The following IPO11 variants were observed in gnomAD, a reference collection of about 807,000 sequenced individuals.
The protein encoded by IPO11 is importin 11.
A neutral mutation model predicts 143.2 loss-of-function variants in IPO11; 66 were observed. That is an observed-to-expected ratio of 0.46 (90% CI 0.38 to 0.57). IPO11 has a LOEUF of 0.57. IPO11 is among the 20% of genes least tolerant of loss of function. The pLI, the probability that IPO11 is intolerant of heterozygous loss-of-function variation, is 0.00. For synonymous variants in IPO11, 385 were observed against 377.8 expected, an observed-to-expected ratio of 1.02 and a Z score of -0.22; for missense variants, 1,026 against 1,141.0, an observed-to-expected ratio of 0.90 and a Z score of 1.45.
intron 27 of IPO11, among the ~76,000 whole-genome samples, chr5:62,569,794 CTT>C (rs931068825): frequency 2.0e-5 from 3 of 152,154 alleles, no homozygotes; most frequent in African/African-American, 7.2e-5. Flanking sequence ...CCTTACCACT[CTT>C]TGAATATATG....
At chr5:62,613,298 C>CT (rs372608086) in intron 29 of IPO11, among the ~76,000 whole-genome samples, 18,416 of 68,870 alleles carry the variant, frequency 0.27, 2,845 homozygotes, top group East Asian at 0.38. Context: ...ACATGCTCTT[C>CT]TTTTTTTTTT....
intron 29 of IPO11, among the ~76,000 whole-genome samples, chr5:62,619,315 T>C (rs1399399186): frequency 3.3e-5 from 5 of 152,180 alleles, no homozygotes; most frequent in South Asian, 4.1e-4. Flanking sequence ...ATCCCTCCCT[T>C]CCTTTCTTCC....
At chr5:62,489,260 T>G (rs1270719070) in intron 13 of IPO11, 42 bp from the exon 14 acceptor site, 2 of 1,193,944 alleles carry the variant, frequency 1.7e-6, no homozygotes, top group Non-Finnish European at 2.3e-6. Flanking sequence ...AAACTAGTTT[T>G]ATTTGCTTTT....
Position 62,506,246 on chromosome 5 carries a change from G to A in IPO11, c.1671G>A (p.Leu557=), listed in dbSNP as rs779766382. 1 of 1,588,936 alleles carries A rather than the reference G, an allele frequency of 6.3e-7. No individual in the cohort carries two copies. Among genetic ancestry groups the A allele is most frequent in the East Asian group, 2.2e-5 (1 of 44,654 alleles). The stretch of plus-strand genomic sequence containing the variant: ...TTCTTTCTTTTTACCTGCAGTATTT[G>A]GAAACCATGTTCACACTACTTTTTC... ...EFRTDQFLPY[L]ETMFTLLFQL... Residue 557 remains leucine (L), a synonymous_variant, in exon 19 of 30, where the codon TTG becomes TTA. Transcript: ENST00000325324.
At chr5:62,483,624 G>A (rs1746292449) in intron 10 of IPO11, among the ~76,000 whole-genome samples, 1 of 152,100 alleles carries the variant, frequency 6.6e-6, no homozygotes, top group Non-Finnish European at 1.5e-5. Context: ...TATAAAGTGT[G>A]ATTGTTTCTA....
chr5:62,459,548 T>C (rs1745283995), intron 5 of IPO11, among the ~76,000 whole-genome samples: 1 of 150,948 alleles, frequency 6.6e-6, no homozygotes, highest in African/African-American at 2.5e-5. Context: ...AGCGAATTTA[T>C]ACTTAAGCCT....
rs375270357 is a variant in IPO11, at chr5:62,515,480, A to G, written c.1875A>G (p.Thr625=). ...ATATGTTGAGATGTGCTATTTTGAC[A>G]ACACTTATTCATCTTGTTCAGGTAA... The part of the protein sequence containing the change: ...EHNMLRCAIL[T]TLIHLVQGLG... Residue 625 remains threonine (T), a synonymous_variant, in exon 20 of 30, where the codon ACA becomes ACG. Coordinates refer to ENST00000325324, the MANE Select transcript of IPO11 (RefSeq NM_016338.5). The G allele has an allele frequency of 7.9e-5, 127 of 1,605,746 alleles. 1 individual carries two copies. The highest frequency in any genetic ancestry group is 1.0e-4 in the Non-Finnish European group (123 of 1,176,756).
At chr5:62,422,342 G>A (rs1422841415) in intron 1 of IPO11, among the ~76,000 whole-genome samples, 3 of 152,118 alleles carry the variant, frequency 2.0e-5, no homozygotes, top group Admixed American at 2.0e-4. Context: ...GGCCAGGCTG[G>A]TCTCAAACTC....
intron 15 of IPO11, among the ~76,000 whole-genome samples, chr5:62,493,548 G>T (rs924074387): frequency 7.3e-5 from 11 of 151,690 alleles, no homozygotes; most frequent in African/African-American, 2.7e-4. Context: ...TTGTACTGTG[G>T]TACATTTAGA....
At chr5:62,477,229 T>G (rs1745992097) in intron 9 of IPO11, among the ~76,000 whole-genome samples, 1 of 152,160 alleles carries the variant, frequency 6.6e-6, no homozygotes, top group Non-Finnish European at 1.5e-5. Context: ...TATAAAACAT[T>G]AACTTTTAAT....
intron 2 of IPO11, among the ~76,000 whole-genome samples, chr5:62,438,726 T>A (rs796288754): frequency 8.8e-4 from 128 of 146,106 alleles, no homozygotes; most frequent in African/African-American, 3.1e-3. Context: ...TACTCCAGTC[T>A]GGGCAACAAG....
Position 62,591,602 on chromosome 5 carries a change from A to G in IPO11, c.2608A>G (p.Ile870Val). 1 of 1,604,588 alleles carries G rather than the reference A, an allele frequency of 6.2e-7. No individual in the cohort carries two copies. Among genetic ancestry groups the G allele is most frequent in the Non-Finnish European group, 8.5e-7 (1 of 1,176,300 alleles). The stretch of plus-strand genomic sequence containing the variant: ...TGTTATCCAAGATAAATTCTGTGGG[A>G]TTATAAACATTTCAGTAGAAGGCCT... ...NSVIQDKFCG[I>V]INISVEGLHD... Residue 870 changes from isoleucine (I) to valine (V), a missense_variant, in exon 28 of 30, where the codon ATT becomes GTT. Ile to Val is a conservative substitution (Grantham distance 29). Transcript: ENST00000325324.
chr5:62,481,900 C>T (rs1746226743), intron 9 of IPO11, among the ~76,000 whole-genome samples: 1 of 152,108 alleles, frequency 6.6e-6, no homozygotes, highest in African/African-American at 2.4e-5. Flanking sequence ...TAGAATTCGG[C>T]TGTGAATCTG....
intron 21 of IPO11, among the ~76,000 whole-genome samples, chr5:62,526,925 T>C (rs1190157670): frequency 6.6e-6 from 1 of 152,234 alleles, no homozygotes; most frequent in African/African-American, 2.4e-5. Context: ...AAGCAAATCA[T>C]AGAAATCAAC....
At chr5:62,506,540 A>ATCT (rs977097816) in intron 19 of IPO11, among the ~76,000 whole-genome samples, 183 bp downstream of exon 19, 5 of 152,148 alleles carry the variant, frequency 3.3e-5, no homozygotes, top group African/African-American at 1.2e-4. Context: ...AAAAATGAGA[A>ATCT]AATTAAAATA....
chr5:62,576,118 T>C (rs76202916), intron 27 of IPO11: 3,914 of 154,818 alleles, frequency 0.025, 80 homozygotes, highest in Non-Finnish European at 0.036. Flanking sequence ...TGTTCTTTGC[T>C]TTGTGTGCGT....
rs1220577007 is a variant in IPO11, at chr5:62,416,844, C to T, written c.-7+3915C>T. ...GGCTCAAGCGATCCCTCCACCTCAG[C>T]CTCTCTGGTGGCTGGGACCACAGGT... On this transcript the variant is annotated intron_variant, in intron 1 of 29. Transcript: ENST00000325324. 2.0e-5 allele frequency among the ~76,000 whole-genome samples: 3 copies of T among 152,066 alleles called. No individual in the cohort carries two copies. The East Asian group carries it at 5.8e-4, about 30-fold the overall frequency.
At chr5:62,445,282 C>T (rs532688357) in intron 3 of IPO11, among the ~76,000 whole-genome samples, 20 of 152,224 alleles carry the variant, frequency 1.3e-4, no homozygotes, top group African/African-American at 4.6e-4. Flanking sequence ...TTACCATATA[C>T]ATTGCAGTGT....
intron 20 of IPO11, among the ~76,000 whole-genome samples, chr5:62,516,593 C>A (rs1282154711): frequency 6.6e-6 from 1 of 152,086 alleles, no homozygotes; most frequent in Non-Finnish European, 1.5e-5. Flanking sequence ...CATGCCCAGC[C>A]CCTCCGTAAA....
Sources: allele counts gnomAD v4.1 joint callset (sites outside exome capture counted in the v4.1 genomes callset), GRCh38; gene constraint gnomAD v4.1.1; transcripts MANE v1.5; gene names NCBI Gene and HGNC (gene_info 2026-07-23, HGNC 2026-07-21).